Variants in DLGAP2 observed in about 807,000 individuals in gnomAD.
DLGAP2 encodes disks large-associated protein 2.
A neutral mutation model predicts 100.3 loss-of-function variants in DLGAP2; 26 were observed. That is an observed-to-expected ratio of 0.26 (90% CI 0.19 to 0.36). The LOEUF (loss-of-function observed/expected upper bound fraction) is 0.36, where lower values mean the gene tolerates loss of function less well. Among genes scored for constraint, DLGAP2 ranks in the 10% least tolerant of loss-of-function variants. The probability of loss-of-function intolerance (pLI) is 1.00; values close to 1 mark genes in which losing one functional copy is unlikely to be tolerated. For synonymous variants in DLGAP2, 886 were observed against 630.1 expected, an observed-to-expected ratio of 1.41 and a Z score of -6.08; for missense variants, 1,858 against 1,453.2, an observed-to-expected ratio of 1.28 and a Z score of -4.53.
In DLGAP2 at chr8:1,591,951, G is replaced by A. The variant is rs181400882; in HGVS notation, c.1442+26057G>A. Among the ~76,000 whole-genome samples, 3 of 152,326 alleles carry A rather than the reference G, an allele frequency of 2.0e-5. No homozygotes were observed. In the East Asian group the frequency reaches 5.8e-4, roughly 29 times the overall value. On this transcript the variant is annotated intron_variant, in intron 6 of 14. Transcript: ENST00000637795. ...TGGAGGAGGAGCGGAGGGAGGAGGT[G>A]GCATGCAGACAGGCCTTGGAAATCC... is the stretch of plus-strand genomic sequence containing the variant.
chr8:1,116,962 G>A (rs1699928301), intron 2 of DLGAP2, among the ~76,000 whole-genome samples: 1 of 152,196 alleles, frequency 6.6e-6, no homozygotes, highest in South Asian at 2.1e-4. Context: ...CTCTGCGGAA[G>A]GGAGATCCCA....
At chr8:881,016 G>T (rs1317218083) in intron 1 of DLGAP2, among the ~76,000 whole-genome samples, 1 of 152,214 alleles carries the variant, frequency 6.6e-6, no homozygotes, top group Non-Finnish European at 1.5e-5. Context: ...TGCTCAGTAA[G>T]TGGCTTATAT....
At position 1,278,246 on chromosome 8, in the gene DLGAP2, A is replaced by G. The variant is rs960828550; in HGVS notation, c.106+19363A>G. Among the ~76,000 whole-genome samples the G allele has an allele frequency of 1.1e-4, 17 of 152,328 alleles. No individual in the cohort carries two copies. In the East Asian group the frequency reaches 1.5e-3, roughly 14 times the overall value. On this transcript the variant is annotated intron_variant, in intron 3 of 14. Transcript: ENST00000637795. ...CCTTGGACTCTCAATTATTTTATCT[A>G]TAAAAGTGGAAAAGAAGATCTATAT...
chr8:1,641,401 C>T (rs887705515), intron 8 of DLGAP2, among the ~76,000 whole-genome samples: 8 of 152,140 alleles, frequency 5.3e-5, no homozygotes, highest in Admixed American at 2.0e-4. Context: ...CTCCTGTCTG[C>T]GTACTTAGAC....
intron 2 of DLGAP2, among the ~76,000 whole-genome samples, chr8:1,117,821 C>G (rs1413438091): frequency 5.9e-5 from 9 of 152,130 alleles, no homozygotes; most frequent in Admixed American, 5.9e-4. Context: ...GGCTCAGAGC[C>G]TCCCCCTTTC....
intron 8 of DLGAP2, among the ~76,000 whole-genome samples, chr8:1,646,961 G>C (rs1404185497): frequency 6.6e-6 from 1 of 152,220 alleles, no homozygotes; most frequent in Non-Finnish European, 1.5e-5. Context: ...CCAGGGCACA[G>C]GGCAGAGGCA....
chr8:1,000,315 C>T (rs528540801), intron 2 of DLGAP2, among the ~76,000 whole-genome samples: 37 of 149,718 alleles, frequency 2.5e-4, no homozygotes, highest in African/African-American at 6.9e-4. Flanking sequence ...ACTTGATGTT[C>T]TCTAGAGCGG....
chr8:1,360,579 C>G (rs949392059), intron 3 of DLGAP2, among the ~76,000 whole-genome samples: 1 of 152,148 alleles, frequency 6.6e-6, no homozygotes, highest in Non-Finnish European at 1.5e-5. Flanking sequence ...CTGGCAGGTA[C>G]CCCGAAAAGC....
intron 2 of DLGAP2, among the ~76,000 whole-genome samples, chr8:1,028,305 C>G (rs113372741): frequency 0.022 from 811 of 37,250 alleles, no homozygotes; most frequent in Middle Eastern, 0.1. Context: ...TTCTCCAGGT[C>G]GGGTGTCAGG....
intron 2 of DLGAP2, among the ~76,000 whole-genome samples, chr8:1,053,151 T>A (rs955141619): frequency 6.6e-5 from 10 of 152,212 alleles, no homozygotes; most frequent in African/African-American, 2.4e-4. Context: ...CTTTGTAATT[T>A]TGGGTTATTT....
At chr8:939,843 G>A (rs1799152524) in intron 2 of DLGAP2, among the ~76,000 whole-genome samples, 2 of 151,214 alleles carry the variant, frequency 1.3e-5, no homozygotes, top group South Asian at 4.2e-4. Context: ...AGGGGCTGGG[G>A]TGCCTGGGAG....
chr8:1,117,014 G>A (rs141597316), intron 2 of DLGAP2, among the ~76,000 whole-genome samples: 36 of 152,320 alleles, frequency 2.4e-4, no homozygotes, highest in Non-Finnish European at 4.0e-4. Flanking sequence ...TAAACCCGAT[G>A]TGCAGTCCTC....
chr8:1,462,053 A>G (rs1798476471), intron 3 of DLGAP2, among the ~76,000 whole-genome samples: 1 of 56,680 alleles, frequency 1.8e-5, no homozygotes, highest in Non-Finnish European at 3.0e-5. Flanking sequence ...AGGAGGAGGG[A>G]GAAGGGCGGC....
At chr8:970,886 T>C (rs867823232) in intron 2 of DLGAP2, among the ~76,000 whole-genome samples, 1 of 152,248 alleles carries the variant, frequency 6.6e-6, no homozygotes, top group African/African-American at 2.4e-5. Context: ...TGTTAACGAT[T>C]ATATACTTCT....
intron 2 of DLGAP2, among the ~76,000 whole-genome samples, chr8:1,189,897 A>C (rs1003940733): frequency 4.6e-5 from 7 of 152,148 alleles, no homozygotes; most frequent in Admixed American, 1.3e-4. Flanking sequence ...GGGGAGGGTA[A>C]CTCACGGCTT....
intron 6 of DLGAP2, among the ~76,000 whole-genome samples, chr8:1,584,048 T>G (rs988036511): frequency 6.6e-5 from 10 of 152,232 alleles, no homozygotes; most frequent in Middle Eastern, 3.4e-3. Context: ...CTCTACCACA[T>G]GCCTGTTTGC....
At chr8:970,495 T>C (rs1799985802) in intron 2 of DLGAP2, among the ~76,000 whole-genome samples, 1 of 152,192 alleles carries the variant, frequency 6.6e-6, no homozygotes, top group African/African-American at 2.4e-5. Flanking sequence ...CCATCTGTAC[T>C]TGGATACATT....
chr8:785,221 CAAAAAAAAAAA>C (rs55781731), intron 1 of DLGAP2, among the ~76,000 whole-genome samples: 2 of 60,832 alleles, frequency 3.3e-5, no homozygotes, highest in Admixed American at 1.7e-4. Context: ...GACTCCGCCT[CAAAAAAAAAAA>C]AAAAAAAAAA....
At chr8:1,196,394 G>A (rs1467300039) in intron 2 of DLGAP2, among the ~76,000 whole-genome samples, 1 of 152,210 alleles carries the variant, frequency 6.6e-6, no homozygotes, top group African/African-American at 2.4e-5. Flanking sequence ...GGCTAACACA[G>A]GGGAGAAGCC....
Sources: gnomAD v4.1 joint callset for allele counts (sites outside exome capture counted in the v4.1 genomes callset) on GRCh38, gnomAD v4.1.1 for gene constraint, MANE v1.5 for transcripts, NCBI Gene and HGNC (gene_info 2026-07-23, HGNC 2026-07-21) for gene names.